IL1R1: variants seen among roughly 807,000 people sequenced by gnomAD.
IL1R1 encodes the protein interleukin-1 receptor type 1.
A neutral mutation model predicts 50.2 loss-of-function variants in IL1R1; 22 were observed. That is an observed-to-expected ratio of 0.44 (90% CI 0.31 to 0.63). The LOEUF (loss-of-function observed/expected upper bound fraction) is 0.63, where lower values mean the gene tolerates loss of function less well. IL1R1 is among the 20% of genes least tolerant of loss of function. The probability of loss-of-function intolerance (pLI) is 0.07; values close to 1 mark genes in which losing one functional copy is unlikely to be tolerated. For missense variants in IL1R1, 509 were observed against 676.2 expected, an observed-to-expected ratio of 0.75 and a Z score of 2.74; for synonymous variants, 251 against 236.7, an observed-to-expected ratio of 1.06 and a Z score of -0.55.
intron 1 of IL1R1, among the ~76,000 whole-genome samples, chr2:102,147,412 T>C (rs1683243978): frequency 6.6e-6 from 1 of 152,214 alleles, no homozygotes; most frequent in South Asian, 2.1e-4. Context: ...GAAAGGTCTC[T>C]GGTTCTCAGT....
chr2:102,173,689 C>CA (rs1685880078), intron 9 of IL1R1, among the ~76,000 whole-genome samples: 1 of 151,994 alleles, frequency 6.6e-6, no homozygotes, highest in African/African-American at 2.4e-5. Context: ...CTATGGATTC[C>CA]AAAAAATTTC....
chr2:102,085,803 C>T (rs1679407033), intron 1 of IL1R1, among the ~76,000 whole-genome samples: 1 of 152,104 alleles, frequency 6.6e-6, no homozygotes, highest in African/African-American at 2.4e-5. Context: ...GAATAACTGA[C>T]AACTTTACAA....
At chr2:102,136,388 T>TTG (rs1682345709) in intron 1 of IL1R1, among the ~76,000 whole-genome samples, 1 of 149,168 alleles carries the variant, frequency 6.7e-6, no homozygotes, top group Admixed American at 6.7e-5. Flanking sequence ...TTTTTTTTTT[T>TTG]TTTTTTGAGA....
upstream of IL1R1, among the ~76,000 whole-genome samples, chr2:102,101,383 G>A (rs559247405): frequency 6.0e-4 from 91 of 152,296 alleles, no homozygotes; most frequent in South Asian, 1.9e-3. Context: ...TCTAATTATA[G>A]AATTGCTGGA....
chr2:102,146,906 G>T (rs1683179846), intron 1 of IL1R1, among the ~76,000 whole-genome samples: 1 of 152,134 alleles, frequency 6.6e-6, no homozygotes, highest in Admixed American at 6.5e-5. Context: ...GTTCCGAAAT[G>T]CTCCCTCAAG....
chr2:102,165,318 A>C lies in IL1R1; in HGVS notation c.486+14A>C, dbSNP rs1032493505. The C allele has an allele frequency of 7.2e-7, 1 of 1,389,472 alleles. No individual in the cohort carries two copies. The highest frequency in any genetic ancestry group is 2.4e-5 in the Admixed American group (1 of 40,992). The allele number at this position is 1,389,472 out of a possible 1,614,324, so 86.1% of individuals were successfully genotyped here. On this transcript the variant is annotated intron_variant, in intron 5 of 11. Transcript: ENST00000410023. ...CAGTGGTATAAGGTAATTTTATTTTAAATATGACATTTCACTTTTCCAGAA... is the reference window on the plus strand; with the variant it reads ...CAGTGGTATAAGGTAATTTTATTTTCAATATGACATTTCACTTTTCCAGAA...
chr2:102,074,898 T>TATCA (rs1330676859), intron 1 of IL1R1, among the ~76,000 whole-genome samples: 2 of 152,282 alleles, frequency 1.3e-5, no homozygotes, highest in Non-Finnish European at 2.9e-5. Context: ...TCATTTTTAT[T>TATCA]ATCAGAAAAA....
chr2:102,127,491 A>G (rs1681779036), intron 1 of IL1R1, among the ~76,000 whole-genome samples: 1 of 152,236 alleles, frequency 6.6e-6, no homozygotes, highest in African/African-American at 2.4e-5. Context: ...ATAATACGGC[A>G]GTGTATAAAA....
In IL1R1 at chr2:102,106,432, A is replaced by G. The variant is rs1680415025; in HGVS notation, c.-84+1560A>G. Among the ~76,000 whole-genome samples the G allele has an allele frequency of 2.0e-5, 3 of 152,346 alleles. No individual in the cohort carries two copies. In the South Asian group the frequency reaches 6.2e-4, roughly 32 times the overall value. On this transcript the variant is annotated intron_variant, in intron 1 of 10. Transcript: ENST00000409329. ...TTCTTATGGCCTTTCCTAACACTACATGCTATTGTTAATCATTGAACTGAC... is the reference window on the plus strand; with the variant it reads ...TTCTTATGGCCTTTCCTAACACTACGTGCTATTGTTAATCATTGAACTGAC...
intron 1 of IL1R1, among the ~76,000 whole-genome samples, chr2:102,125,436 C>T (rs928043459): frequency 1.3e-5 from 2 of 152,158 alleles, no homozygotes; most frequent in Non-Finnish European, 2.9e-5. Context: ...GTTTCATGGA[C>T]TGGGAGCTTC....
intron 8 of IL1R1, 52 bp from the exon 9 acceptor site, chr2:102,172,635 G>A (rs1685787645): frequency 6.8e-7 from 1 of 1,478,048 alleles, no homozygotes; most frequent in Non-Finnish European, 9.2e-7. Context: ...GGTCTTATTT[G>A]TAGTTGATGC....
At chr2:102,088,762 A>G (rs1679537333) in intron 1 of IL1R1, among the ~76,000 whole-genome samples, 1 of 152,204 alleles carries the variant, frequency 6.6e-6, no homozygotes, top group East Asian at 1.9e-4. Flanking sequence ...AGCCACCTTC[A>G]TCAATGATCT....
intron 3 of IL1R1, among the ~76,000 whole-genome samples, chr2:102,160,692 T>C (rs2104550065): frequency 6.6e-6 from 1 of 152,316 alleles, no homozygotes; most frequent in African/African-American, 2.4e-5. Flanking sequence ...ACAGCCTCTA[T>C]GCCCAAAGCC....
Position 102,132,076 on chromosome 2 carries a change from AT to A in IL1R1, c.-83-21861del, listed in dbSNP as rs1321383313. Among the ~76,000 whole-genome samples the A allele has an allele frequency of 2.0e-5, 3 of 152,220 alleles. No individual in the cohort carries two copies. In the East Asian group the frequency reaches 5.8e-4, roughly 29 times the overall value. ...TAAAGGAAAAAATTGTCAACCAAGAATTTTATACACAGTGAAAATATCTTTC... is the reference window on the plus strand; with the variant it reads ...TAAAGGAAAAAATTGTCAACCAAGAATTTATACACAGTGAAAATATCTTTC... On this transcript the variant is annotated intron_variant, in intron 1 of 10. Transcript: ENST00000409329.
chr2:102,070,483 G>A (rs1678667536), exon 1 of IL1R1: 1 of 152,184 alleles, frequency 6.6e-6, no homozygotes, highest in Non-Finnish European at 1.5e-5. Context: ...GATGATTACA[G>A]TGGCCAGAGG....
intron 1 of IL1R1, among the ~76,000 whole-genome samples, chr2:102,149,490 C>A (rs1433435363): frequency 2.0e-5 from 3 of 152,162 alleles, no homozygotes; most frequent in Non-Finnish European, 4.4e-5. Flanking sequence ...TGCAGCTTGG[C>A]CAGACACATC....
rs550528144 is a variant in IL1R1 at position 102,157,416 on chromosome 2, A to G, written c.-6-303A>G. Among the ~76,000 whole-genome samples, 5 of 152,218 alleles carry G rather than the reference A, an allele frequency of 3.3e-5. No individual in the cohort carries two copies. In the South Asian group the frequency reaches 1.0e-3, roughly 32 times the overall value. The stretch of plus-strand genomic sequence containing the variant: ...CTTTGGATGTAGACTAGATTTGGGG[A>G]AATTTAAATGGGGTCCAAGACTGGA... On this transcript the variant is annotated intron_variant, in intron 2 of 11. Transcript: ENST00000410023.
At chr2:102,140,718 C>T (rs530446905), upstream of IL1R1, among the ~76,000 whole-genome samples, 2 of 152,212 alleles carry the variant, frequency 1.3e-5, no homozygotes, top group South Asian at 2.1e-4. Flanking sequence ...CAGGCAGGCA[C>T]ACCAGTTATC....
intron 1 of IL1R1, among the ~76,000 whole-genome samples, chr2:102,134,552 A>AT (rs1211292431): frequency 6.6e-6 from 1 of 151,720 alleles, no homozygotes; most frequent in Non-Finnish European, 1.5e-5. Flanking sequence ...CTAATTTTGT[A>AT]TTTTTAGTAG....
Sources: allele counts gnomAD v4.1 joint callset (sites outside exome capture counted in the v4.1 genomes callset), GRCh38; gene constraint gnomAD v4.1.1; transcripts MANE v1.5; gene names NCBI Gene and HGNC (gene_info 2026-07-23, HGNC 2026-07-21).